Variants in MACROD1 observed in about 807,000 individuals in gnomAD.
MACROD1 encodes ADP-ribose glycohydrolase MACROD1.
MACROD1 carries 31 observed loss-of-function variants against 41.4 expected under a neutral mutation model. The observed-to-expected ratio is 0.75, with a 90% CI of 0.56 to 1.01. The LOEUF (loss-of-function observed/expected upper bound fraction) is 1.01, where lower values mean the gene tolerates loss of function less well. MACROD1 is among the 50% of genes least tolerant of loss of function. MACROD1 has a pLI of 0.00. For synonymous variants in MACROD1, 252 were observed against 203.4 expected (o/e 1.24, Z -2.03); for missense variants, 473 against 460.0 (o/e 1.03, Z -0.26).
intron 3 of MACROD1, among the ~76,000 whole-genome samples, chr11:64,115,116 G>A (rs1192651537): frequency 2.0e-5 from 3 of 152,196 alleles, no homozygotes; most frequent in African/African-American, 7.2e-5. Flanking sequence ...TCCCATCATT[G>A]AAAAGCCTCC....
At chr11:64,033,009 G>A (rs1224698763) in intron 3 of MACROD1, among the ~76,000 whole-genome samples, 1 of 151,746 alleles carries the variant, frequency 6.6e-6, no homozygotes, top group Admixed American at 6.6e-5. Context: ...TCACGTCACA[G>A]CAACTGTGAG....
chr11:64,113,582 CATGGATGGATGGATGGTTAGGTGGATGG>C (rs1944902138), intron 3 of MACROD1, among the ~76,000 whole-genome samples: 7 of 99,218 alleles, frequency 7.1e-5, no homozygotes, highest in Non-Finnish European at 1.0e-4. Flanking sequence ...GCATGGATAG[CATGGATGGATGGATGGTTAGGTGGATGG>C]ATGGATGGAT....
intron 1 of MACROD1, among the ~76,000 whole-genome samples, chr11:64,160,888 G>A (rs1014690249): frequency 6.6e-6 from 1 of 151,864 alleles, no homozygotes; most frequent in Non-Finnish European, 1.5e-5. Flanking sequence ...ACAAAAGAGT[G>A]GGGGCCGGGA....
intron 3 of MACROD1, among the ~76,000 whole-genome samples, chr11:64,016,331 G>A (rs1023830991): frequency 2.0e-5 from 3 of 152,242 alleles, no homozygotes; most frequent in East Asian, 1.9e-4. Flanking sequence ...GGAAAGCAGC[G>A]GGTGAGGCCA....
intron 1 of MACROD1, among the ~76,000 whole-genome samples, chr11:64,164,742 C>T (rs2134742081): frequency 6.6e-6 from 1 of 152,086 alleles, no homozygotes; most frequent in South Asian, 2.1e-4. Context: ...GCCCAGAGGC[C>T]ACACCTACTC....
At chr11:64,117,807 A>AG in intron 3 of MACROD1, 2 of 1,614,200 alleles carry the variant, frequency 1.2e-6, no homozygotes, top group Non-Finnish European at 8.5e-7. Context: ...GGAGACCAGC[A>AG]ATGCCTACGT....
intron 8 of MACROD1, 128 bp from the exon 9 acceptor site, chr11:63,999,164 G>A (rs1309685680): frequency 4.6e-6 from 6 of 1,305,070 alleles, no homozygotes; most frequent in Non-Finnish European, 5.2e-6. Flanking sequence ...ACGGCTGTGT[G>A]CCATCACCCC....
intron 3 of MACROD1, among the ~76,000 whole-genome samples, chr11:64,038,170 G>A (rs1400112728): frequency 1.3e-5 from 2 of 152,184 alleles, no homozygotes; most frequent in African/African-American, 4.8e-5. Context: ...AGGAGGTGAT[G>A]GGGAGGGGGT....
intron 1 of MACROD1, among the ~76,000 whole-genome samples, chr11:64,157,318 T>G (rs1945684587): frequency 6.6e-6 from 1 of 152,166 alleles, no homozygotes; most frequent in South Asian, 2.1e-4. Flanking sequence ...GGTCGTGAAC[T>G]CCTGACCTCA....
At chr11:64,045,082 G>C (rs1049511519) in intron 3 of MACROD1, among the ~76,000 whole-genome samples, 1 of 152,252 alleles carries the variant, frequency 6.6e-6, no homozygotes, top group Non-Finnish European at 1.5e-5. Flanking sequence ...TGCGGGCTGA[G>C]GGGGAGCAGT....
chr11:64,020,845 AGT>A (rs1399026178), intron 3 of MACROD1, among the ~76,000 whole-genome samples: 1 of 152,012 alleles, frequency 6.6e-6, no homozygotes, highest in Non-Finnish European at 1.5e-5. Context: ...CAGCCTCCTG[AGT>A]AGCTGAAAGT....
At chr11:64,086,334 G>A (rs1196713126) in intron 3 of MACROD1, among the ~76,000 whole-genome samples, 1 of 152,080 alleles carries the variant, frequency 6.6e-6, no homozygotes, top group African/African-American at 2.4e-5. Flanking sequence ...GGGGTGTGCA[G>A]TTCTAAGACC....
intron 3 of MACROD1, among the ~76,000 whole-genome samples, chr11:64,068,733 G>A (rs1944051194): frequency 6.6e-6 from 1 of 152,216 alleles, no homozygotes; most frequent in Admixed American, 6.5e-5. Context: ...CTGCAGCTGG[G>A]ACAGCTGCTA....
chr11:64,117,971 G>C (rs554837203), intron 3 of MACROD1: 1 of 1,613,652 alleles, frequency 6.2e-7, no homozygotes, highest in African/African-American at 1.3e-5. Flanking sequence ...TCCTCTTCCT[G>C]GTCCTGGGGG....
At chr11:64,135,482 G>A (rs1265214746) in intron 3 of MACROD1, among the ~76,000 whole-genome samples, 2 of 152,124 alleles carry the variant, frequency 1.3e-5, no homozygotes, top group African/African-American at 4.8e-5. Context: ...GCTTGCCCTC[G>A]GCCACCTGAC....
intron 3 of MACROD1, among the ~76,000 whole-genome samples, chr11:64,091,945 C>T (rs1193554875): frequency 2.6e-5 from 4 of 152,190 alleles, no homozygotes; most frequent in African/African-American, 9.7e-5. Context: ...AGGAAGCATA[C>T]TGAGGGCAGT....
chr11:64,061,872 GCTT>G (rs1943910780), intron 3 of MACROD1, among the ~76,000 whole-genome samples: 1 of 131,914 alleles, frequency 7.6e-6, no homozygotes, highest in Non-Finnish European at 1.5e-5. Context: ...CACCACGCTG[GCTT>G]TTTTTTTTTT....
At chr11:64,092,276 C>A (rs1944504156) in intron 3 of MACROD1, among the ~76,000 whole-genome samples, 1 of 152,224 alleles carries the variant, frequency 6.6e-6, no homozygotes, top group Non-Finnish European at 1.5e-5. Flanking sequence ...CGGATGGTTT[C>A]ATATGGGGAG....
chr11:64,147,978 A>T (rs1780550442), intron 3 of MACROD1, among the ~76,000 whole-genome samples: 1 of 151,834 alleles, frequency 6.6e-6, no homozygotes, highest in Non-Finnish European at 1.5e-5. Flanking sequence ...AGCTCAAGTG[A>T]TCCTCTCGTC....
Sources: allele counts gnomAD v4.1 joint callset (sites outside exome capture counted in the v4.1 genomes callset), GRCh38; gene constraint gnomAD v4.1.1; transcripts MANE v1.5; gene names NCBI Gene and HGNC (gene_info 2026-07-23, HGNC 2026-07-21).